Variants in ITPR2 observed in about 807,000 individuals in gnomAD.
The protein encoded by ITPR2 is inositol 1,4,5-trisphosphate-gated calcium channel ITPR2.
A neutral mutation model predicts 317.1 loss-of-function variants in ITPR2; 207 were observed. That is an observed-to-expected ratio of 0.65 (90% CI 0.58 to 0.73). The LOEUF (loss-of-function observed/expected upper bound fraction) is 0.73. Ranked by LOEUF, ITPR2 falls within the 30% of genes least tolerant of loss-of-function variation. The probability of loss-of-function intolerance (pLI) is 0.00; values close to 1 mark genes in which losing one functional copy is unlikely to be tolerated. For missense variants in ITPR2, 2,613 were observed against 3,284.0 expected (o/e 0.80, Z 4.99); for synonymous variants, 1,156 against 1,149.1 (o/e 1.01, Z -0.12).
intron 9 of ITPR2, among the ~76,000 whole-genome samples, chr12:26,703,880 C>A (rs946163583): frequency 5.3e-5 from 8 of 152,228 alleles, no homozygotes; most frequent in Admixed American, 2.6e-4. Context: ...TTGCAGGGAA[C>A]AAAATAGCCA....
chr12:26,543,997 C>T (rs750843185), intron 37 of ITPR2, among the ~76,000 whole-genome samples: 46 of 152,260 alleles, frequency 3.0e-4, no homozygotes, highest in Non-Finnish European at 4.9e-4. Context: ...GCTTTTCTAT[C>T]ACAGTCACCT....
chr12:26,759,610 C>G (rs1200672688), intron 2 of ITPR2, among the ~76,000 whole-genome samples: 1 of 152,140 alleles, frequency 6.6e-6, no homozygotes, highest in African/African-American at 2.4e-5. Context: ...CTTACTAAGG[C>G]AAAGTGACAA....
chr12:26,749,994 A>G (rs1949387940), intron 2 of ITPR2, among the ~76,000 whole-genome samples: 2 of 152,244 alleles, frequency 1.3e-5, no homozygotes, highest in Non-Finnish European at 2.9e-5. Flanking sequence ...AGTAAACATT[A>G]GGGGAACAAG....
chr12:26,608,623 G>A (rs1946193248), intron 26 of ITPR2, among the ~76,000 whole-genome samples: 1 of 151,556 alleles, frequency 6.6e-6, no homozygotes, highest in African/African-American at 2.4e-5. Flanking sequence ...TGTCTGGGAA[G>A]AGAGGAGGGC....
chr12:26,551,638 G>C (rs1342812909), intron 36 of ITPR2, among the ~76,000 whole-genome samples: 2 of 152,188 alleles, frequency 1.3e-5, no homozygotes, highest in Admixed American at 1.3e-4. Context: ...CATTCTGCTG[G>C]GGGGAATTAC....
At position 26,682,017 on chromosome 12, in the gene ITPR2, G is replaced by C; in HGVS notation, c.1266C>G (p.Thr422=). Residue 422 remains threonine (T), a synonymous_variant, in exon 13 of 57, where the codon ACC becomes ACG. Transcript: ENST00000381340. ...PVMLKIGTCQ[T]KEDKEAFAIV... ...TTGCGAACGCTTCTTTATCTTCTTT[G>C]GTTTGGCAGGTTCCAATCTGAAATG... 6.2e-7 allele frequency: 1 copy of C among 1,611,954 alleles called. No homozygotes were observed. Among genetic ancestry groups the C allele is most frequent in the Non-Finnish European group, 8.5e-7 (1 of 1,178,892 alleles).
intron 45 of ITPR2, among the ~76,000 whole-genome samples, chr12:26,444,930 C>T (rs1941573162): frequency 6.6e-6 from 1 of 152,120 alleles, no homozygotes; most frequent in African/African-American, 2.4e-5. Context: ...TTTCTATTTA[C>T]ATTTTTTTAA....
chr12:26,503,843 G>T (rs1353107480), intron 37 of ITPR2, among the ~76,000 whole-genome samples: 3 of 152,220 alleles, frequency 2.0e-5, no homozygotes, highest in African/African-American at 7.2e-5. Context: ...ATCTGGGGAA[G>T]ACTTGTACAA....
chr12:26,471,526 T>C (rs1368994684), intron 45 of ITPR2, among the ~76,000 whole-genome samples: 1 of 152,182 alleles, frequency 6.6e-6, no homozygotes, highest in Non-Finnish European at 1.5e-5. Flanking sequence ...CTTTTTGAGG[T>C]ACTTATAGTT....
chr12:26,440,145 G>T (rs1162347653), intron 46 of ITPR2, among the ~76,000 whole-genome samples: 4 of 152,184 alleles, frequency 2.6e-5, no homozygotes, highest in Non-Finnish European at 4.4e-5. Context: ...GGCATAAAGA[G>T]AAATATCCTG....
chr12:26,561,978 T>C, intron 34 of ITPR2, 26 bp from the exon 35 acceptor site: 2 of 1,467,652 alleles, frequency 1.4e-6, no homozygotes, highest in Non-Finnish European at 1.8e-6. Flanking sequence ...TTAAAATATT[T>C]CCCTCTTAAT....
intron 21 of ITPR2, among the ~76,000 whole-genome samples, chr12:26,634,498 T>C (rs921731037): frequency 1.3e-5 from 2 of 152,234 alleles, no homozygotes; most frequent in Non-Finnish European, 2.9e-5. Flanking sequence ...CTGTGTCTTT[T>C]ATATAAACCC....
intron 29 of ITPR2, among the ~76,000 whole-genome samples, 176 bp from the exon 30 acceptor site, chr12:26,599,521 T>C (rs1213304941): frequency 6.6e-6 from 1 of 152,194 alleles, no homozygotes; most frequent in African/African-American, 2.4e-5. Flanking sequence ...AAAAGAAAAC[T>C]GAGCTCACAG....
intron 45 of ITPR2, among the ~76,000 whole-genome samples, chr12:26,447,824 A>G (rs183393188): frequency 2.8e-4 from 43 of 152,180 alleles, no homozygotes; most frequent in African/African-American, 1.0e-3. Flanking sequence ...ACCAATTAAC[A>G]TATACTTAAT....
At chr12:26,666,420 A>G (rs1363593365) in intron 13 of ITPR2, among the ~76,000 whole-genome samples, 1 of 152,206 alleles carries the variant, frequency 6.6e-6, no homozygotes, top group African/African-American at 2.4e-5. Context: ...AAGCCATGTG[A>G]GTCGCAACTG....
chr12:26,424,688 G>A (rs576911007), intron 49 of ITPR2, among the ~76,000 whole-genome samples: 28 of 141,560 alleles, frequency 2.0e-4, no homozygotes, highest in Non-Finnish European at 3.8e-4. Flanking sequence ...CTCCTGGGTT[G>A]AAGCGATTCT....
At chr12:26,571,657 T>C (rs906421567) in intron 34 of ITPR2, among the ~76,000 whole-genome samples, 2 of 152,246 alleles carry the variant, frequency 1.3e-5, no homozygotes, top group East Asian at 3.8e-4. Flanking sequence ...GGGATTCAGA[T>C]CCTGGCTCAG....
chr12:26,475,569 A>T (rs1565547745), intron 44 of ITPR2, 151 bp from the exon 45 acceptor site: 1 of 773,348 alleles, frequency 1.3e-6, no homozygotes, highest in East Asian at 2.7e-5. Flanking sequence ...TCCTTATTTC[A>T]ATGAACATGG....
chr12:26,772,478 A>ATAATATATATAATCATGTATT (rs58056683), intron 2 of ITPR2, among the ~76,000 whole-genome samples: 1 of 80,640 alleles, frequency 1.2e-5, no homozygotes, highest in Non-Finnish European at 3.3e-5. Flanking sequence ...TATTATATAT[A>ATAATATATATAATCATGTATT]ATATATATAA....
Sources: allele counts gnomAD v4.1 joint callset (sites outside exome capture counted in the v4.1 genomes callset), GRCh38; gene constraint gnomAD v4.1.1; transcripts MANE v1.5; gene names NCBI Gene and HGNC (gene_info 2026-07-23, HGNC 2026-07-21).